The following CA8 variants were observed in gnomAD, a reference collection of about 807,000 sequenced individuals.
CA8 encodes the protein carbonic anhydrase-related protein.
A neutral mutation model predicts 41.4 loss-of-function variants in CA8; 22 were observed. That is an observed-to-expected ratio of 0.53 (90% CI 0.38 to 0.76). CA8 has a LOEUF of 0.76. CA8 is among the 30% of genes least tolerant of loss of function. The probability of loss-of-function intolerance (pLI) is 0.00; values close to 1 mark genes in which losing one functional copy is unlikely to be tolerated. For missense variants in CA8, 270 were observed against 352.8 expected, an observed-to-expected ratio of 0.77 and a Z score of 1.88; for synonymous variants, 121 against 130.6, an observed-to-expected ratio of 0.93 and a Z score of 0.50.
intron 3 of CA8, among the ~76,000 whole-genome samples, chr8:60,255,995 G>A (rs1056836645): frequency 1.3e-5 from 2 of 149,962 alleles, no homozygotes; most frequent in Non-Finnish European, 3.0e-5. Flanking sequence ...TACAACCTCC[G>A]CCTCCCGGGT....
At chr8:60,211,666 C>A (rs189767484) in intron 7 of CA8, among the ~76,000 whole-genome samples, 6 of 152,318 alleles carry the variant, frequency 3.9e-5, no homozygotes, top group Non-Finnish European at 8.8e-5. Flanking sequence ...GCCAGCCAGT[C>A]TCAAATCACT....
At chr8:60,204,195 CT>C (rs1315263258) in intron 8 of CA8, among the ~76,000 whole-genome samples, 2 of 152,150 alleles carry the variant, frequency 1.3e-5, no homozygotes, top group Non-Finnish European at 2.9e-5. Flanking sequence ...TTAATGTCCA[CT>C]TTTGAGTATA....
At chr8:60,268,109 G>A (rs891542894) in intron 2 of CA8, among the ~76,000 whole-genome samples, 1 of 152,082 alleles carries the variant, frequency 6.6e-6, no homozygotes, top group African/African-American at 2.4e-5. Context: ...AGCAACAGTG[G>A]GACCCAAGGC....
At chr8:60,263,454 G>A (rs926433344) in intron 3 of CA8, among the ~76,000 whole-genome samples, 2 of 151,570 alleles carry the variant, frequency 1.3e-5, no homozygotes, top group Non-Finnish European at 2.9e-5. Context: ...AGAAAAAGGT[G>A]CATGGATGTG....
chr8:60,248,108 T>C (rs887747460), intron 3 of CA8, among the ~76,000 whole-genome samples: 1 of 152,018 alleles, frequency 6.6e-6, no homozygotes, highest in African/African-American at 2.4e-5. Context: ...TTTTTTTTTT[T>C]ACCTTGTAAA....
intron 7 of CA8, among the ~76,000 whole-genome samples, chr8:60,219,943 A>AAAAAAAAAC (rs1807184390): frequency 7.1e-6 from 1 of 141,422 alleles, no homozygotes; most frequent in Non-Finnish European, 1.5e-5. Flanking sequence ...AAAAAAAAAA[A>AAAAAAAAAC]AAAAAAAAAA....
rs978355369 is a variant in CA8, at chr8:60,225,130, G to A, written c.577-545C>T. 4.6e-5 allele frequency among the ~76,000 whole-genome samples: 7 copies of A among 152,086 alleles called. No homozygotes were observed. The South Asian group carries it at 6.2e-4, about 14-fold the overall frequency. On this transcript the variant is annotated intron_variant, in intron 5 of 8. Transcript: ENST00000317995. The stretch of plus-strand genomic sequence containing the variant: ...GATATAGATGGAAATATTCTGTTCC[G>A]ATCAGTGTTTATCAAAGCTAGATAC...
intron 3 of CA8, among the ~76,000 whole-genome samples, chr8:60,240,937 T>C (rs1332359976): frequency 6.6e-6 from 1 of 151,590 alleles, no homozygotes; most frequent in East Asian, 1.9e-4. Flanking sequence ...AAGAAGATAG[T>C]AAGCACTGGA....
intron 3 of CA8, among the ~76,000 whole-genome samples, chr8:60,263,320 T>A (rs1157549332): frequency 2.0e-5 from 2 of 99,814 alleles, no homozygotes; most frequent in Admixed American, 8.8e-5. Flanking sequence ...AGACTCCATC[T>A]TAAAAAAAAA....
chr8:60,193,125 T>C (rs952630672), intron 8 of CA8, among the ~76,000 whole-genome samples: 2 of 152,156 alleles, frequency 1.3e-5, no homozygotes, highest in East Asian at 3.8e-4. Flanking sequence ...TAATTTTTCT[T>C]TCCTGCACAA....
chr8:60,262,544 C>A (rs1226813401), intron 3 of CA8, among the ~76,000 whole-genome samples: 1 of 152,194 alleles, frequency 6.6e-6, no homozygotes, highest in Non-Finnish European at 1.5e-5. Context: ...AAAACACCCA[C>A]ACATTATGGA....
chr8:60,196,070 A>G (rs190515787), intron 8 of CA8, among the ~76,000 whole-genome samples: 3 of 152,290 alleles, frequency 2.0e-5, no homozygotes, highest in Admixed American at 2.0e-4. Context: ...AGAAGGAGAT[A>G]AAACTGTCAT....
chr8:60,191,482 G>T (rs1034751771), intron 8 of CA8, among the ~76,000 whole-genome samples: 1 of 152,052 alleles, frequency 6.6e-6, no homozygotes, highest in Non-Finnish European at 1.5e-5. Flanking sequence ...ACGAATCCAT[G>T]TTAAAAAATA....
chr8:60,248,312 A>G (rs1225184905), intron 3 of CA8, among the ~76,000 whole-genome samples: 1 of 152,170 alleles, frequency 6.6e-6, no homozygotes, highest in Admixed American at 6.5e-5. Context: ...TGTTTCCGTC[A>G]CGAAATCTTT....
At chr8:60,278,951 G>A (rs1161861489) in intron 2 of CA8, among the ~76,000 whole-genome samples, 1 of 152,070 alleles carries the variant, frequency 6.6e-6, no homozygotes, top group Non-Finnish European at 1.5e-5. Flanking sequence ...ACTATGAAAT[G>A]CATGCTATTA....
intron 2 of CA8, among the ~76,000 whole-genome samples, chr8:60,276,631 T>G (rs1412701696): frequency 2.0e-5 from 3 of 152,062 alleles, no homozygotes; most frequent in African/African-American, 7.2e-5. Flanking sequence ...GAATGAGGCA[T>G]GAGAAATTAC....
intron 3 of CA8, among the ~76,000 whole-genome samples, chr8:60,240,775 T>C (rs114332095): frequency 0.021 from 3,207 of 152,146 alleles, 124 homozygotes; most frequent in African/African-American, 0.073. Context: ...CCCAATAGAT[T>C]CTGAGTTCCA....
At chr8:60,206,972 C>T (rs763283614) in intron 8 of CA8, among the ~76,000 whole-genome samples, 6 of 152,184 alleles carry the variant, frequency 3.9e-5, no homozygotes, top group Non-Finnish European at 7.4e-5. Context: ...TCAATCCCAC[C>T]CCGTCTCTGT....
chr8:60,258,860 C>T (rs1255554664), intron 3 of CA8, among the ~76,000 whole-genome samples: 1 of 152,180 alleles, frequency 6.6e-6, no homozygotes, highest in Non-Finnish European at 1.5e-5. Flanking sequence ...AGGTAATGCT[C>T]ACTGGCCCAC....
Sources: allele counts gnomAD v4.1 joint callset (sites outside exome capture counted in the v4.1 genomes callset), GRCh38; gene constraint gnomAD v4.1.1; transcripts MANE v1.5; gene names NCBI Gene and HGNC (gene_info 2026-07-23, HGNC 2026-07-21).